The following DYNC2LI1 variants were observed in gnomAD, a reference collection of about 807,000 sequenced individuals.
DYNC2LI1 encodes cytoplasmic dynein 2 light intermediate chain 1.
DYNC2LI1 carries 45 observed loss-of-function variants against 51.9 expected under a neutral mutation model. That is an observed-to-expected ratio of 0.87 (90% CI 0.68 to 1.11). The LOEUF is 1.11. DYNC2LI1 is among the 50% of genes most tolerant of loss of function. The pLI is 0.00. For missense variants in DYNC2LI1, 490 were observed against 417.4 expected (o/e 1.17, Z -1.51); for synonymous variants, 130 against 137.8 (o/e 0.94, Z 0.40).
At chr2:43,814,054 G>C (rs1275087458), downstream of DYNC2LI1, among the ~76,000 whole-genome samples, 3 of 152,002 alleles carry the variant, frequency 2.0e-5, no homozygotes, top group African/African-American at 7.3e-5. Context: ...CCTTGTCTTG[G>C]TTCTACTTCC....
the DYNC2LI1 span, chr2:43,828,114 A>C: frequency 3.1e-6 from 5 of 1,613,832 alleles, no homozygotes; most frequent in South Asian, 5.5e-5. Flanking sequence ...GACGGCCTCC[A>C]CCTGCAGGAG....
chr2:43,822,750 A>G, the DYNC2LI1 span: 3 of 1,612,964 alleles, frequency 1.9e-6, no homozygotes, highest in Non-Finnish European at 2.5e-6. Flanking sequence ...CACTAGCTCC[A>G]TGACTCCATG....
At chr2:43,798,364 G>C (rs762238156) in intron 8 of DYNC2LI1, among the ~76,000 whole-genome samples, 1 of 152,024 alleles carries the variant, frequency 6.6e-6, no homozygotes, top group South Asian at 2.1e-4. Context: ...ATTTGCTTAC[G>C]TATTAGGTTG....
intron 2 of DYNC2LI1, 50 bp downstream of exon 2, chr2:43,776,949 A>T: frequency 1.0e-6 from 1 of 959,170 alleles, no homozygotes; most frequent in Non-Finnish European, 1.7e-6. Context: ...AACCATTGGT[A>T]AAATATCTGT....
downstream of DYNC2LI1, chr2:43,814,682 G>T (rs1344983371): frequency 4.0e-6 from 3 of 742,582 alleles, no homozygotes; most frequent in African/African-American, 1.8e-5. Context: ...TTTCCAACAG[G>T]AATATAGTTT....
downstream of DYNC2LI1, among the ~76,000 whole-genome samples, chr2:43,811,849 C>T (rs186909346): frequency 6.4e-3 from 972 of 152,290 alleles, 12 homozygotes; most frequent in African/African-American, 0.022. Flanking sequence ...CCGCCTCGGC[C>T]TCCCAAAGTG....
rs57868887 is a variant in DYNC2LI1 at position 43,775,854 on chromosome 2, A to ATTTTT, written c.9-902_9-898dup. On this transcript the variant is annotated intron_variant, in intron 1 of 12. Coordinates refer to ENST00000260605, the MANE Select transcript of DYNC2LI1 (RefSeq NM_016008.4). ...AGACACCCGCCACCACACCTGGCCA[A>ATTTTT]TTTTTTTTTTTTTTTTTTTTTTTTT... 145 of 50,416 alleles carry ATTTTT rather than the reference A, an allele frequency of 2.9e-3. 6 individuals carry two copies. Among genetic ancestry groups the ATTTTT allele is most frequent in the African/African-American group, 7.6e-3 (85 of 11,184 alleles). The allele number at this position is 50,416 out of a possible 1,614,324, so 3.1% of individuals were successfully genotyped here. A position where few individuals can be genotyped will look rare whatever the true frequency, so the allele number is the denominator to read the frequency against.
At chr2:43,813,181 TA>T (rs769429015), downstream of DYNC2LI1, 41 of 1,558,182 alleles carry the variant, frequency 2.6e-5, no homozygotes, top group Non-Finnish European at 3.4e-5. Flanking sequence ...AGAGCTGGAA[TA>T]AATGAATACA....
the DYNC2LI1 span, chr2:43,819,889 A>G: frequency 6.2e-7 from 1 of 1,612,266 alleles, no homozygotes; most frequent in African/African-American, 1.3e-5. Context: ...ATCCCAATCT[A>G]AATTTTTTGA....
chr2:43,787,981 T>C (rs77197977), intron 4 of DYNC2LI1, among the ~76,000 whole-genome samples: 5,530 of 152,260 alleles, frequency 0.036, 126 homozygotes, highest in Non-Finnish European at 0.055. Context: ...GCTTCCAGGA[T>C]TCACCAATGA....
At chr2:43,782,009 C>CTGTGTGTGTGTGTGTG (rs1162141037) in intron 2 of DYNC2LI1, among the ~76,000 whole-genome samples, 7 of 126,622 alleles carry the variant, frequency 5.5e-5, no homozygotes, top group East Asian at 2.2e-4. Flanking sequence ...TTGTTTCTGT[C>CTGTGTGTGTGTGTGTG]TATGTGTGTG....
chr2:43,787,190 A>C lies in DYNC2LI1; in HGVS notation c.171A>C (p.Pro57=). 1 of 1,613,104 alleles carries C rather than the reference A, an allele frequency of 6.2e-7. No individual in the cohort carries two copies. The highest frequency in any genetic ancestry group is 2.2e-5 in the East Asian group (1 of 44,828). The change falls in exon 4 of 13, where the codon CCA becomes CCC. Residue 57 remains proline, a synonymous_variant. Coordinates refer to ENST00000260605, the MANE Select transcript of DYNC2LI1 (RefSeq NM_016008.4). ...GGCCTTTATTATACAGAGATGAACC[A>C]CCAAAACCAACCTTAGCTTTGGAAT... ...IILRCLDRDE[P]PKPTLALEYT...
chr2:43,822,900 G>A, the DYNC2LI1 span: 3 of 1,613,996 alleles, frequency 1.9e-6, no homozygotes, highest in Non-Finnish European at 2.5e-6. Flanking sequence ...AGGCCGTCCT[G>A]ACTCTCCTGG....
chr2:43,820,034 G>A, the DYNC2LI1 span: 8 of 1,614,208 alleles, frequency 5.0e-6, no homozygotes, highest in South Asian at 4.4e-5. Context: ...CACCAATTAA[G>A]TGGGGGGCCA....
chr2:43,823,802 G>A, the DYNC2LI1 span: 1 of 1,277,866 alleles, frequency 7.8e-7, no homozygotes, highest in Non-Finnish European at 1.1e-6. Context: ...GGAGAGGGCT[G>A]GGTTTAGCTC....
chr2:43,808,375 C>A (rs1666348247), intron 12 of DYNC2LI1, among the ~76,000 whole-genome samples: 1 of 152,080 alleles, frequency 6.6e-6, no homozygotes, highest in African/African-American at 2.4e-5. Context: ...GTACGCTCTG[C>A]AATTTTTCTG....
intron 12 of DYNC2LI1, among the ~76,000 whole-genome samples, chr2:43,807,520 A>G (rs1390790681): frequency 6.6e-6 from 1 of 151,818 alleles, no homozygotes; most frequent in Non-Finnish European, 1.5e-5. Flanking sequence ...GCTCACTGCA[A>G]CCTTGAACTC....
At chr2:43,784,500 C>T (rs949552717) in intron 3 of DYNC2LI1, among the ~76,000 whole-genome samples, 6 of 151,628 alleles carry the variant, frequency 4.0e-5, no homozygotes, top group South Asian at 2.1e-4. Flanking sequence ...AGTGCAATGG[C>T]GCCATCTCGG....
chr2:43,806,819 T>A (rs186270149), intron 12 of DYNC2LI1, among the ~76,000 whole-genome samples: 30 of 152,302 alleles, frequency 2.0e-4, no homozygotes, highest in South Asian at 1.7e-3. Flanking sequence ...AGCCCCACAG[T>A]ACCCATATCA....
Sources: allele counts gnomAD v4.1 joint callset (sites outside exome capture counted in the v4.1 genomes callset), GRCh38; gene constraint gnomAD v4.1.1; transcripts MANE v1.5; gene names NCBI Gene and HGNC (gene_info 2026-07-23, HGNC 2026-07-21).